VPS9D1: variants seen among roughly 807,000 people sequenced by gnomAD.
VPS9D1 encodes the protein VPS9 domain containing 1.
A neutral mutation model predicts 75.8 loss-of-function variants in VPS9D1; 78 were observed. The ratio of observed to expected loss-of-function variants is 1.03; its 90% CI spans 0.86 to 1.24. The LOEUF (loss-of-function observed/expected upper bound fraction) is 1.24, where lower values mean the gene tolerates loss of function less well. VPS9D1 is among the 50% of genes most tolerant of loss of function. The pLI is 0.00. For synonymous variants in VPS9D1, 481 were observed against 385.6 expected (o/e 1.25, Z -2.90); for missense variants, 1,057 against 847.7 (o/e 1.25, Z -3.07).
intron 14 of VPS9D1, 128 bp downstream of exon 14, chr16:89,708,299 C>A (rs1038062637): frequency 2.1e-6 from 2 of 932,444 alleles, no homozygotes; most frequent in South Asian, 1.6e-5. Context: ...AGGGGCTGCC[C>A]GAAGGCATGG....
At chr16:89,712,287 G>T in intron 6 of VPS9D1, 173 bp downstream of exon 6, 1 of 1,322,730 alleles carries the variant, frequency 7.6e-7, no homozygotes, top group Non-Finnish European at 1.0e-6. Flanking sequence ...GAGAACATGG[G>T]GGACGGCGGC....
Position 89,707,845 on chromosome 16 carries a change from C to G in VPS9D1, c.*16G>C. The G allele has an allele frequency of 6.2e-7, 1 of 1,612,546 alleles. No homozygotes were observed. Among genetic ancestry groups the G allele is most frequent in the Non-Finnish European group, 8.5e-7 (1 of 1,179,616 alleles). ...GGCGAGGCCAGGCCCTGCAGGGACCCTGGGCTCTAGCTGTACTACTTGGCC... is the reference window on the plus strand; with the variant it reads ...GGCGAGGCCAGGCCCTGCAGGGACCGTGGGCTCTAGCTGTACTACTTGGCC... On this transcript the variant is annotated 3_prime_UTR_variant, in exon 15 of 15. Transcript: ENST00000389386.
chr16:89,712,148 G>A, intron 6 of VPS9D1, 49 bp from the exon 7 acceptor site: 1 of 1,547,166 alleles, frequency 6.5e-7, no homozygotes, highest in East Asian at 2.4e-5. Context: ...CGGGCCCTCG[G>A]TTCCCAACCC....
chr16:89,709,535 T>C (rs2060867807), intron 11 of VPS9D1, 100 bp from the exon 12 acceptor site: 3 of 1,371,862 alleles, frequency 2.2e-6, no homozygotes, highest in South Asian at 1.5e-5. Context: ...AAACTGGCTA[T>C]GTATCTCAAG....
In VPS9D1 at chr16:89,709,418, C is replaced by T. The variant is rs768244692; in HGVS notation, c.1406G>A (p.Arg469Gln). Residue 469 changes from arginine to glutamine, a missense_variant, in exon 12 of 15, where the codon CGG (arginine) becomes CAG (glutamine). Physicochemically the swap from Arg to Gln is conservative, Grantham distance 43. Transcript: ENST00000389386. Reference protein sequence around the residue: ...LALYRSVHRAREAALSRSMEL... With the variant: ...LALYRSVHRAQEAALSRSMEL... ...CATGCTCCTGCTCAGGGCAGCCTCC[C>T]GGGCTCGGTGCACGCTCCTGGGGCA... The T allele has an allele frequency of 6.7e-5, 102 of 1,516,760 alleles. No individual in the cohort carries two copies. In the South Asian group the frequency reaches 9.2e-4, roughly 14 times the overall value. 94.0% of individuals were successfully genotyped at this position (1,516,760 alleles called of 1,614,324 possible).
chr16:89,710,982 G>C lies in VPS9D1; in HGVS notation c.862C>G (p.Leu288Val), dbSNP rs902643464. 3.5e-6 allele frequency: 5 copies of C among 1,441,932 alleles called. No individual in the cohort carries two copies. The highest frequency in any genetic ancestry group is 4.5e-6 in the Non-Finnish European group (5 of 1,102,596). The allele number at this position is 1,441,932 out of a possible 1,614,324, so 89.3% of individuals were successfully genotyped here. Residue 288 changes from leucine (L) to valine (V), a missense_variant, in exon 10 of 15, where the codon CTG becomes GTG. Leu to Val is a conservative substitution (Grantham distance 32). Transcript: ENST00000389386. ...TACACGGAGCACTGCAGCCGCCTCAGGAGCTGCGCGATCGGGTGGTCGGGG... is the reference window on the plus strand; with the variant it reads ...TACACGGAGCACTGCAGCCGCCTCACGAGCTGCGCGATCGGGTGGTCGGGG... ...SLPDHPIAQLLRRLQCSVYSA... is the reference protein window; with the variant it reads ...SLPDHPIAQLVRRLQCSVYSA...
intron 2 of VPS9D1, chr16:89,717,589 CT>C (rs1170399862): frequency 4.4e-6 from 2 of 456,436 alleles, no homozygotes; most frequent in Admixed American, 4.7e-5. Context: ...CAGAAAACTT[CT>C]CATAGACTCC....
chr16:89,707,683 A>G lies in VPS9D1; in HGVS notation c.*178T>C. On this transcript the variant is annotated 3_prime_UTR_variant, in exon 15 of 15. Coordinates refer to ENST00000389386, the MANE Select transcript of VPS9D1 (RefSeq NM_004913.3). ...TGCCAACCCCAAGCTCCAGGGTCAG[A>G]TGTGAGGTGAGGAAGGTGAAGAGCT... 1.7e-6 allele frequency: 1 copy of G among 600,130 alleles called. No individual in the cohort carries two copies. The highest frequency in any genetic ancestry group is 2.9e-5 in the Admixed American group (1 of 34,464). The allele number at this position is 600,130 out of a possible 1,614,324, so 37.2% of individuals were successfully genotyped here. A position where few individuals can be genotyped will look rare whatever the true frequency, so the allele number is the denominator to read the frequency against.
In VPS9D1 at chr16:89,712,030, G is replaced by T. The variant is rs540887097; in HGVS notation, c.659+17C>A. 9.7e-6 allele frequency: 15 copies of T among 1,549,202 alleles called. No individual in the cohort carries two copies. In the South Asian group the frequency reaches 1.4e-4, roughly 15 times the overall value. ...GGCCCTCCCCGCAGCGGCCCCAGGG[G>T]CGGGCAGGAGTCCCACCTGTTGGCG... On this transcript the variant is annotated intron_variant, in intron 7 of 14. Coordinates refer to ENST00000389386, the MANE Select transcript of VPS9D1 (RefSeq NM_004913.3).
chr16:89,716,862 C>T (rs1301757102), intron 2 of VPS9D1, 40 bp from the exon 3 acceptor site: 2 of 1,536,174 alleles, frequency 1.3e-6, no homozygotes, highest in Non-Finnish European at 1.8e-6. Flanking sequence ...GTCGGCTCTA[C>T]CACTGTTACT....
intron 9 of VPS9D1, 71 bp from the exon 10 acceptor site, chr16:89,711,081 T>C (rs2060906443): frequency 1.4e-6 from 2 of 1,397,234 alleles, no homozygotes; most frequent in South Asian, 1.5e-5. Context: ...TGCCGCGCTA[T>C]GCCCGGTTTC....
At position 89,711,281 on chromosome 16, in the gene VPS9D1, C is replaced by T. The variant is rs1230466756; in HGVS notation, c.833+46G>A. The T allele has an allele frequency of 5.8e-6, 9 of 1,560,180 alleles. 1 individual carries two copies. The South Asian group carries it at 9.4e-5, about 16-fold the overall frequency. On this transcript the variant is annotated intron_variant, in intron 9 of 14. Transcript: ENST00000389386. ...GCACCTGGCACCAGGCAGAGGTGCC[C>T]AAGGCCGGTGCGCAGGGGCTCTGTG...
Position 89,708,539 on chromosome 16 carries a change from G to A in VPS9D1, c.1698-8C>T, listed in dbSNP as rs117906686. ...AGCAGGTCATCGGCACCACTGTCGGGAGGGCATAGCGGCCTTGGGTTGGGG... is the reference window on the plus strand; with the variant it reads ...AGCAGGTCATCGGCACCACTGTCGGAAGGGCATAGCGGCCTTGGGTTGGGG... On this transcript the variant is annotated splice_region_variant and splice_polypyrimidine_tract_variant and intron_variant, in intron 13 of 14. Coordinates refer to ENST00000389386, the MANE Select transcript of VPS9D1 (RefSeq NM_004913.3). 682 of 1,611,550 alleles carry A rather than the reference G, an allele frequency of 4.2e-4. 7 individuals are homozygous for A. The East Asian group carries it at 0.013, about 32-fold the overall frequency.
intron 2 of VPS9D1, 34 bp downstream of exon 2, chr16:89,718,993 C>T (rs756729188): frequency 1.2e-5 from 19 of 1,592,216 alleles, no homozygotes; most frequent in African/African-American, 1.1e-4. Context: ...GGATTACAGG[C>T]GTGAGCCACC....
intron 13 of VPS9D1, 37 bp downstream of exon 13, chr16:89,708,820 T>C (rs1431992882): frequency 1.3e-6 from 2 of 1,538,480 alleles, no homozygotes; most frequent in Non-Finnish European, 8.7e-7. Context: ...TCTAGGGCCC[T>C]TCCTCCCTGG....
Position 89,710,937 on chromosome 16 carries a change from C to G in VPS9D1, c.907G>C (p.Val303Leu). 3 of 1,480,244 alleles carry G rather than the reference C, an allele frequency of 2.0e-6. No individual in the cohort carries two copies. Among genetic ancestry groups the G allele is most frequent in the Non-Finnish European group, 2.7e-6 (3 of 1,120,766 alleles). The allele number at this position is 1,480,244 out of a possible 1,614,324, so 91.7% of individuals were successfully genotyped here. A position where few individuals can be genotyped will look rare whatever the true frequency, so the allele number is the denominator to read the frequency against. Residue 303 changes from valine to leucine, a missense_variant, in exon 10 of 15, where the codon GTG becomes CTG. Transcript: ENST00000389386. ...CSVYSALYPA[V>L]SRAAAPAPGC... ...GGGGCTGGCGCGGCTGCTCTGCTCACGGCGGGATACAGGGCGCTGTACACG... is the reference window on the plus strand; with the variant it reads ...GGGGCTGGCGCGGCTGCTCTGCTCAGGGCGGGATACAGGGCGCTGTACACG...
At chr16:89,714,228 G>A (rs1385699971) in intron 4 of VPS9D1, among the ~76,000 whole-genome samples, 2 of 152,066 alleles carry the variant, frequency 1.3e-5, no homozygotes, top group Non-Finnish European at 2.9e-5. Context: ...GGGAGCCACT[G>A]CGCCCAGCCT....
chr16:89,709,014 CCT>C, intron 12 of VPS9D1, 58 bp from the exon 13 acceptor site: 1 of 1,491,642 alleles, frequency 6.7e-7, no homozygotes, highest in Non-Finnish European at 9.0e-7. Flanking sequence ...CTGAGCCACC[CCT>C]TATACCCCGC....
At chr16:89,711,146 G>GC in intron 9 of VPS9D1, 136 bp from the exon 10 acceptor site, 1 of 1,201,086 alleles carries the variant, frequency 8.3e-7, no homozygotes. Flanking sequence ...TCTGCCCCCC[G>GC]CCCCCGCTGG....
Sources: gnomAD v4.1 joint callset for allele counts (sites outside exome capture counted in the v4.1 genomes callset) on GRCh38, gnomAD v4.1.1 for gene constraint, MANE v1.5 for transcripts, NCBI Gene and HGNC (gene_info 2026-07-23, HGNC 2026-07-21) for gene names.